IFTAP: variants seen among roughly 807,000 people sequenced by gnomAD.
IFTAP encodes the protein intraflagellar transport-associated protein.
IFTAP carries 19 observed loss-of-function variants against 19.4 expected under a neutral mutation model. The observed-to-expected ratio is 0.98, with a 90% CI of 0.68 to 1.44. The LOEUF is 1.44. Ranked by LOEUF, IFTAP falls within the 40% of genes most tolerant of loss-of-function variation. IFTAP has a pLI of 0.00. For synonymous variants in IFTAP, 85 were observed against 83.5 expected, an observed-to-expected ratio of 1.02 and a Z score of -0.10; for missense variants, 240 against 253.6, an observed-to-expected ratio of 0.95 and a Z score of 0.36.
intron 1 of IFTAP, among the ~76,000 whole-genome samples, chr11:36,599,755 A>AT (rs1216915231): frequency 2.6e-5 from 4 of 152,080 alleles, no homozygotes; most frequent in African/African-American, 4.8e-5. Context: ...TTCTGTGATG[A>AT]TTTTTTTAAT....
intron 1 of IFTAP, chr11:36,594,984 A>G (rs539949074): frequency 1.3e-5 from 2 of 152,390 alleles, no homozygotes; most frequent in Admixed American, 1.3e-4. Context: ...CAGAACCGAA[A>G]GATGGATCTT....
rs181030133 is a variant in IFTAP, at chr11:36,628,711, T to C, written c.137-4573T>C. 2.1e-3 allele frequency among the ~76,000 whole-genome samples: 313 copies of C among 151,436 alleles called. 3 individuals are homozygous for C. The highest frequency in any genetic ancestry group is 2.8e-3 in the Non-Finnish European group (189 of 68,026). Reference sequence around the variant, plus strand: ...AGAAACATTACACTCTGTTCATATTTTTCTCTCTGTAAGTGCCTAACACTG... The same window carrying C: ...AGAAACATTACACTCTGTTCATATTCTTCTCTCTGTAAGTGCCTAACACTG... On this transcript the variant is annotated intron_variant, in intron 2 of 5. Coordinates refer to ENST00000334307, the MANE Select transcript of IFTAP (RefSeq NM_138787.4).
chr11:36,643,490 A>G (rs1400475814), intron 4 of IFTAP, among the ~76,000 whole-genome samples: 1 of 152,238 alleles, frequency 6.6e-6, no homozygotes, highest in African/African-American at 2.4e-5. Flanking sequence ...TATAATTGGA[A>G]AAACTACTTT....
intron 1 of IFTAP, among the ~76,000 whole-genome samples, chr11:36,599,092 C>T (rs1022231363): frequency 3.9e-4 from 60 of 152,140 alleles, no homozygotes; most frequent in Admixed American, 2.0e-4. Context: ...TACCCAGGTT[C>T]AAGCGATTCT....
intron 2 of IFTAP, among the ~76,000 whole-genome samples, chr11:36,632,947 GA>G (rs887490878): frequency 1.3e-5 from 2 of 150,796 alleles, no homozygotes; most frequent in African/African-American, 4.9e-5. Context: ...TTCATATAAA[GA>G]AAAAAATCCC....
intron 1 of IFTAP, among the ~76,000 whole-genome samples, chr11:36,599,892 G>A (rs1044979088): frequency 9.2e-5 from 14 of 152,224 alleles, no homozygotes; most frequent in African/African-American, 3.1e-4. Flanking sequence ...TATATTGGAT[G>A]TCTTCACTGT....
intron 1 of IFTAP, among the ~76,000 whole-genome samples, chr11:36,599,829 G>T (rs1178223852): frequency 6.6e-6 from 1 of 152,082 alleles, no homozygotes; most frequent in Non-Finnish European, 1.5e-5. Context: ...GTTGTATAAT[G>T]ATTAAGATAC....
chr11:36,653,982 T>G (rs1049762219), intron 5 of IFTAP, among the ~76,000 whole-genome samples: 16 of 152,158 alleles, frequency 1.1e-4, no homozygotes, highest in Admixed American at 6.6e-5. Flanking sequence ...GTAAACGTGT[T>G]TAAGTCTTTC....
chr11:36,654,707 C>T (rs1384950563), intron 5 of IFTAP, among the ~76,000 whole-genome samples: 2 of 152,046 alleles, frequency 1.3e-5, no homozygotes, highest in East Asian at 3.9e-4. Context: ...TCAGATTGAA[C>T]TCTGCTTATC....
chr11:36,612,644 G>C (rs1851917459), intron 2 of IFTAP, among the ~76,000 whole-genome samples: 1 of 151,970 alleles, frequency 6.6e-6, no homozygotes, highest in African/African-American at 2.4e-5. Context: ...TGTTAAAGTA[G>C]TTATCACCAT....
intron 2 of IFTAP, among the ~76,000 whole-genome samples, chr11:36,628,270 A>T (rs1303253810): frequency 2.0e-5 from 3 of 150,982 alleles, no homozygotes; most frequent in African/African-American, 7.4e-5. Context: ...GGCGATTCTT[A>T]CTCAGGCCTT....
intron 5 of IFTAP, among the ~76,000 whole-genome samples, chr11:36,652,808 A>G (rs1853802899): frequency 6.6e-6 from 1 of 152,136 alleles, no homozygotes; most frequent in African/African-American, 2.4e-5. Context: ...CTATTGAGAT[A>G]ATCATGATTT....
intron 1 of IFTAP, chr11:36,595,223 C>T (rs2133321723): frequency 6.6e-6 from 1 of 152,250 alleles, no homozygotes; most frequent in East Asian, 1.9e-4. Flanking sequence ...GTGGCTTTTT[C>T]ACATCTTTCC....
At chr11:36,622,223 A>T (rs1396628010) in intron 2 of IFTAP, among the ~76,000 whole-genome samples, 2 of 151,848 alleles carry the variant, frequency 1.3e-5, no homozygotes, top group Non-Finnish European at 2.9e-5. Context: ...ATTCTTACAA[A>T]TGTGTTCAGC....
At chr11:36,597,534 C>CATTTATTCTCT (rs1251099771) in intron 1 of IFTAP, 1 of 152,308 alleles carries the variant, frequency 6.6e-6, no homozygotes, top group East Asian at 1.9e-4. Flanking sequence ...GGGAGATTTT[C>CATTTATTCTCT]ATTTATTCTC....
At chr11:36,626,882 G>A (rs115716460) in intron 2 of IFTAP, among the ~76,000 whole-genome samples, 1,538 of 151,126 alleles carry the variant, frequency 0.01, 105 homozygotes, top group African/African-American at 0.036. Flanking sequence ...GATTAGTAAT[G>A]ACAGTCCTTA....
At chr11:36,651,602 G>C (rs1488778146) in intron 5 of IFTAP, among the ~76,000 whole-genome samples, 1 of 152,130 alleles carries the variant, frequency 6.6e-6, no homozygotes, top group East Asian at 1.9e-4. Context: ...ATTGCTTTTG[G>C]TGTTTTAGAC....
chr11:36,633,567 G>A, intron 3 of IFTAP, 129 bp downstream of exon 3: 1 of 617,576 alleles, frequency 1.6e-6, no homozygotes, highest in Non-Finnish European at 2.4e-6. Context: ...TAGAAGGAGT[G>A]CCATTGGGGC....
intron 2 of IFTAP, among the ~76,000 whole-genome samples, chr11:36,627,354 A>C (rs923744613): frequency 2.0e-5 from 3 of 151,090 alleles, no homozygotes; most frequent in Non-Finnish European, 2.9e-5. Flanking sequence ...ACCTCAGTAA[A>C]GCTGTGGGGA....
Sources: gnomAD v4.1 joint callset for allele counts (sites outside exome capture counted in the v4.1 genomes callset) on GRCh38, gnomAD v4.1.1 for gene constraint, MANE v1.5 for transcripts, NCBI Gene and HGNC (gene_info 2026-07-23, HGNC 2026-07-21) for gene names.